The following CHRM2 variants were observed in gnomAD, a reference collection of about 807,000 sequenced individuals.
CHRM2 encodes muscarinic acetylcholine receptor M2.
Under a neutral mutation model 25.0 loss-of-function variants are expected in CHRM2, and 8 were observed. The observed-to-expected ratio is 0.32, with a 90% CI of 0.19 to 0.58. CHRM2 has a LOEUF of 0.58. CHRM2 is among the 20% of genes least tolerant of loss of function. CHRM2 has a pLI of 0.88. For missense variants in CHRM2, 440 were observed against 567.1 expected, an observed-to-expected ratio of 0.78 and a Z score of 2.28; for synonymous variants, 202 against 205.7, an observed-to-expected ratio of 0.98 and a Z score of 0.15.
chr7:136,918,254 G>A (rs946533358), intron 2 of CHRM2, among the ~76,000 whole-genome samples: 1 of 152,056 alleles, frequency 6.6e-6, no homozygotes, highest in Non-Finnish European at 1.5e-5. Context: ...TTATTTAAAA[G>A]AGACAGAAAG....
At chr7:136,882,226 C>T (rs952545487) in intron 2 of CHRM2, among the ~76,000 whole-genome samples, 1 of 152,004 alleles carries the variant, frequency 6.6e-6, no homozygotes, top group African/African-American at 2.4e-5. Flanking sequence ...ACAATTTAAC[C>T]TCTTCACATG....
intron 2 of CHRM2, among the ~76,000 whole-genome samples, chr7:136,919,542 A>G (rs2130726490): frequency 6.6e-6 from 1 of 152,196 alleles, no homozygotes; most frequent in East Asian, 1.9e-4. Context: ...TCTGTTACCT[A>G]TAGGATAAGT....
At chr7:136,942,324 A>G (rs1158179053) in intron 2 of CHRM2, among the ~76,000 whole-genome samples, 3 of 152,130 alleles carry the variant, frequency 2.0e-5, no homozygotes, top group African/African-American at 7.2e-5. Context: ...ACTTCTTTAT[A>G]TACTGGAGAA....
intron 2 of CHRM2, among the ~76,000 whole-genome samples, chr7:136,953,221 A>C (rs188171999): frequency 6.6e-6 from 1 of 152,134 alleles, no homozygotes; most frequent in African/African-American, 2.4e-5. Flanking sequence ...ATTGTTTCAC[A>C]TCAGTAAAAT....
intron 2 of CHRM2, among the ~76,000 whole-genome samples, chr7:136,880,678 GAGA>G (rs1275708467): frequency 5.3e-5 from 8 of 151,628 alleles, no homozygotes; most frequent in African/African-American, 1.9e-4. Flanking sequence ...CAGCAAAATT[GAGA>G]AGAACTGTTT....
chr7:136,889,301 T>C (rs1000073166), intron 2 of CHRM2, among the ~76,000 whole-genome samples: 2 of 152,100 alleles, frequency 1.3e-5, no homozygotes, highest in Non-Finnish European at 2.9e-5. Context: ...CCACTTCTTA[T>C]GTAAGGGTCA....
At chr7:136,929,484 G>T (rs1413574136) in intron 2 of CHRM2, among the ~76,000 whole-genome samples, 5 of 151,980 alleles carry the variant, frequency 3.3e-5, no homozygotes. Context: ...CCTTAGGGAG[G>T]TTCAGGGCCC....
At chr7:136,945,082 G>GTT (rs551087046) in intron 2 of CHRM2, among the ~76,000 whole-genome samples, 3 of 149,438 alleles carry the variant, frequency 2.0e-5, no homozygotes, top group Admixed American at 6.7e-5. Flanking sequence ...ATTGTTTTTT[G>GTT]TTTTTTTTTC....
intron 2 of CHRM2, among the ~76,000 whole-genome samples, chr7:136,942,999 G>T: frequency 6.6e-6 from 1 of 152,078 alleles, no homozygotes; most frequent in Non-Finnish European, 1.5e-5. Context: ...GGTTGGAAGG[G>T]AAATTAGAGG....
In CHRM2 at chr7:136,904,960, G is replaced by A. The variant is rs115474318; in HGVS notation, c.-125+35542G>A. On this transcript the variant is annotated intron_variant, in intron 2 of 3. Transcript: ENST00000680005. Reference sequence around the variant, plus strand: ...AGAGTGAGTATATTTACATTATAGTGCTTTGTAAGATTAAATGAGATATGT... The same window carrying A: ...AGAGTGAGTATATTTACATTATAGTACTTTGTAAGATTAAATGAGATATGT... Among the ~76,000 whole-genome samples the A allele has an allele frequency of 5.1e-3, 773 of 152,014 alleles. 5 individuals are homozygous for A. Among genetic ancestry groups the A allele is most frequent in the African/African-American group, 0.017 (724 of 41,512 alleles).
chr7:137,003,242 T>C (rs1804172570), intron 3 of CHRM2, among the ~76,000 whole-genome samples: 1 of 152,140 alleles, frequency 6.6e-6, no homozygotes, highest in Admixed American at 6.6e-5. Flanking sequence ...AAAGGAGGAA[T>C]CTGAGAATCA....
At chr7:136,959,256 A>G (rs921177200) in intron 2 of CHRM2, among the ~76,000 whole-genome samples, 1 of 152,252 alleles carries the variant, frequency 6.6e-6, no homozygotes, top group African/African-American at 2.4e-5. Context: ...ATCTTCTGCT[A>G]TAGTAATTTT....
At chr7:137,003,002 G>A (rs1471910841) in intron 3 of CHRM2, among the ~76,000 whole-genome samples, 1 of 152,096 alleles carries the variant, frequency 6.6e-6, no homozygotes, top group Non-Finnish European at 1.5e-5. Context: ...ATGTGGAAAG[G>A]GGGTCAACAA....
chr7:136,945,397 G>A (rs767025540), intron 2 of CHRM2, among the ~76,000 whole-genome samples: 4 of 152,030 alleles, frequency 2.6e-5, no homozygotes, highest in African/African-American at 9.7e-5. Context: ...ATCGTGAGTT[G>A]CTTTTAGTGT....
rs1397474533 is a variant in CHRM2 at position 137,015,107 on chromosome 7, C to T, written c.242C>T (p.Thr81Ile). The T allele has an allele frequency of 1.2e-6, 2 of 1,613,390 alleles. No individual in the cohort carries two copies. Among genetic ancestry groups the T allele is most frequent in the Admixed American group, 3.3e-5 (2 of 59,928 alleles). ...GGTGTTTTCTCCATGAACTTGTACA[C>T]CCTCTACACTGTGATTGGTTACTGG... Reference protein sequence around the residue: ...IIGVFSMNLYTLYTVIGYWPL... With the variant: ...IIGVFSMNLYILYTVIGYWPL... Residue 81 changes from threonine (T) to isoleucine (I), a missense_variant, in exon 4 of 4, where the codon ACC becomes ATC. By Grantham distance (89) the Thr-to-Ile change is moderately conservative (BLOSUM62 -1). Coordinates refer to ENST00000680005, the MANE Select transcript of CHRM2 (RefSeq NM_001006630.2). The surrounding 1 kb of genome is among the most constrained non-coding windows in gnomAD (Gnocchi z 5.1).
At chr7:136,973,606 T>C (rs324609) in intron 2 of CHRM2, among the ~76,000 whole-genome samples, 185 of 4,694 alleles carry the variant, frequency 0.039, no homozygotes, top group Non-Finnish European at 0.078. Flanking sequence ...ATGACGGTGA[T>C]GGTGTTAGGG....
chr7:136,921,055 T>C (rs995978445), intron 2 of CHRM2, among the ~76,000 whole-genome samples: 5 of 152,086 alleles, frequency 3.3e-5, no homozygotes, highest in African/African-American at 4.8e-5. Flanking sequence ...CCTCCAAGCT[T>C]CCTAGAAAAT....
rs1554434050 is a variant in CHRM2 at position 137,000,547 on chromosome 7, A to AGAAGGAAGGAAGGAAAGAAGGAAG, written c.-47+8298_-47+8299insAGAAGGAAGGAAGGAAGGAAGGAA. Among the ~76,000 whole-genome samples, 243 of 95,198 alleles carry AGAAGGAAGGAAGGAAAGAAGGAAG rather than the reference A, an allele frequency of 2.6e-3. 3 individuals are homozygous for AGAAGGAAGGAAGGAAAGAAGGAAG. Among genetic ancestry groups the AGAAGGAAGGAAGGAAAGAAGGAAG allele is most frequent in the African/African-American group, 8.2e-3 (226 of 27,646 alleles). 62.5% of individuals were successfully genotyped at this position (95,198 alleles called of 152,430 possible). A position where few individuals can be genotyped will look rare whatever the true frequency, so the allele number is the denominator to read the frequency against. On this transcript the variant is annotated intron_variant, in intron 3 of 3. Transcript: ENST00000680005. The stretch of plus-strand genomic sequence containing the variant: ...AAAAAGAAAGAAAGAAAAGAAAGAA[A>AGAAGGAAGGAAGGAAAGAAGGAAG]GAAGGAAGGAAGGAAGGAAGGAAGG...
intron 2 of CHRM2, among the ~76,000 whole-genome samples, chr7:136,875,199 T>G (rs1796006440): frequency 6.6e-6 from 1 of 150,966 alleles, no homozygotes; most frequent in African/African-American, 2.4e-5. Context: ...AAAAAATATA[T>G]ATACATATAT....
Sources: gnomAD v4.1 joint callset for allele counts (sites outside exome capture counted in the v4.1 genomes callset) on GRCh38, gnomAD v4.1.1 for gene constraint, Gnocchi (gnomAD v3.1) non-coding constraint, MANE v1.5 for transcripts, NCBI Gene and HGNC (gene_info 2026-07-23, HGNC 2026-07-21) for gene names.